STPG2: variants seen among roughly 807,000 people sequenced by gnomAD.
STPG2 encodes sperm-tail PG-rich repeat-containing protein 2.
Under a neutral mutation model 54.2 loss-of-function variants are expected in STPG2, and 56 were observed. The ratio of observed to expected loss-of-function variants is 1.03; its 90% CI spans 0.83 to 1.29. The LOEUF is 1.29. Ranked by LOEUF, STPG2 falls within the 50% of genes most tolerant of loss-of-function variation. STPG2 has a pLI of 0.00. For missense variants in STPG2, 596 were observed against 544.9 expected (o/e 1.09, Z -0.93); for synonymous variants, 200 against 181.8 (o/e 1.10, Z -0.81).
chr4:98,050,617 C>T (rs1421690379), intron 5 of STPG2, among the ~76,000 whole-genome samples: 1 of 152,106 alleles, frequency 6.6e-6, no homozygotes, highest in Non-Finnish European at 1.5e-5. Flanking sequence ...CCTACAAAAG[C>T]TCATCTCTAA....
At chr4:97,499,331 T>C (rs564509381) in intron 4 of STPG2, among the ~76,000 whole-genome samples, 2 of 152,086 alleles carry the variant, frequency 1.3e-5, no homozygotes, top group South Asian at 4.1e-4. Context: ...GCATCACCCG[T>C]CCACAATTTA....
intron 8 of STPG2, among the ~76,000 whole-genome samples, chr4:97,935,578 G>T (rs1291081915): frequency 6.6e-6 from 1 of 152,100 alleles, no homozygotes; most frequent in Admixed American, 6.6e-5. Context: ...CTTGTACATT[G>T]TCTCTTTGTT....
intron 6 of STPG2, among the ~76,000 whole-genome samples, chr4:97,978,184 A>G (rs1025769840): frequency 5.9e-5 from 9 of 152,186 alleles, no homozygotes; most frequent in Non-Finnish European, 1.2e-4. Flanking sequence ...ACCCAAAGGA[A>G]TATAAACTGT....
chr4:97,702,887 G>A (rs890989600), intron 10 of STPG2, among the ~76,000 whole-genome samples: 5 of 152,102 alleles, frequency 3.3e-5, no homozygotes, highest in Non-Finnish European at 7.4e-5. Context: ...AAGAGCTTGT[G>A]TCTATTTTTC....
intron 7 of STPG2, among the ~76,000 whole-genome samples, chr4:97,954,456 G>A (rs1195527348): frequency 6.6e-6 from 1 of 152,204 alleles, no homozygotes; most frequent in Non-Finnish European, 1.5e-5. Context: ...GAGCCTCAAA[G>A]CACATGGCCT....
intron 10 of STPG2, among the ~76,000 whole-genome samples, chr4:97,680,281 T>C (rs1035056241): frequency 6.6e-6 from 1 of 151,840 alleles, no homozygotes; most frequent in Non-Finnish European, 1.5e-5. Flanking sequence ...CTTCCATTTG[T>C]TTGTATCCTC....
At chr4:97,588,663 T>A (rs539980571) in intron 10 of STPG2, among the ~76,000 whole-genome samples, 2 of 152,192 alleles carry the variant, frequency 1.3e-5, no homozygotes, top group African/African-American at 4.8e-5. Flanking sequence ...AAAAATAATT[T>A]GGCAATATTT....
intron 4 of STPG2, chr4:97,490,142 T>G (rs915157905): frequency 6.6e-6 from 1 of 151,436 alleles, no homozygotes; most frequent in African/African-American, 2.4e-5. Context: ...TTTTAAAAAA[T>G]ACAATCCAAT....
chr4:97,675,530 A>G (rs1488695161), intron 10 of STPG2, among the ~76,000 whole-genome samples: 1 of 152,096 alleles, frequency 6.6e-6, no homozygotes, highest in African/African-American at 2.4e-5. Context: ...TTGAAGCAAC[A>G]TATTCCAAAT....
intron 5 of STPG2, among the ~76,000 whole-genome samples, chr4:98,042,460 C>T (rs543196233): frequency 6.6e-6 from 1 of 151,880 alleles, no homozygotes; most frequent in African/African-American, 2.4e-5. Context: ...GCATTTAACA[C>T]TATAAACTTC....
intron 6 of STPG2, among the ~76,000 whole-genome samples, chr4:97,976,543 C>A (rs551160923): frequency 6.6e-6 from 1 of 152,172 alleles, no homozygotes; most frequent in South Asian, 2.1e-4. Context: ...TGCCCAGGAA[C>A]CCCAGATCAG....
chr4:97,601,740 A>T (rs1164578480), intron 10 of STPG2, among the ~76,000 whole-genome samples: 1 of 151,936 alleles, frequency 6.6e-6, no homozygotes, highest in Non-Finnish European at 1.5e-5. Flanking sequence ...AAATCTTGTA[A>T]TGTGGTATGG....
chr4:97,448,266 T>C (rs550170766), intron 4 of STPG2, among the ~76,000 whole-genome samples: 1 of 152,320 alleles, frequency 6.6e-6, no homozygotes, highest in East Asian at 1.9e-4. Context: ...GACTATGGGC[T>C]TTTGAGCTAA....
chr4:97,736,573 A>G (rs1725002840), intron 9 of STPG2, among the ~76,000 whole-genome samples: 1 of 152,200 alleles, frequency 6.6e-6, no homozygotes, highest in African/African-American at 2.4e-5. Context: ...CACCTGGCTC[A>G]GAGGGTCCTA....
chr4:98,081,247 C>T (rs572009852), intron 5 of STPG2, among the ~76,000 whole-genome samples: 3 of 152,300 alleles, frequency 2.0e-5, no homozygotes, highest in Non-Finnish European at 4.4e-5. Context: ...ATTGATTTAT[C>T]TGTGAGGTCA....
At chr4:97,542,961 C>A (rs937548060) in intron 4 of STPG2, among the ~76,000 whole-genome samples, 4 of 152,036 alleles carry the variant, frequency 2.6e-5, no homozygotes, top group African/African-American at 9.6e-5. Flanking sequence ...ACATCACACA[C>A]CAGGGCCTGT....
At chr4:97,537,559 G>A (rs184179387) in intron 4 of STPG2, among the ~76,000 whole-genome samples, 2 of 152,144 alleles carry the variant, frequency 1.3e-5, no homozygotes, top group Non-Finnish European at 2.9e-5. Flanking sequence ...GTTCAAACTG[G>A]GTGGAGCCCA....
Position 98,134,562 on chromosome 4 carries a change from A to G in STPG2, c.110-103T>C, listed in dbSNP as rs1305883931. ...TAATCATGAGTATCCTCAATTGTTAAGACTTTATTTTCAGAACTGTCTAGT... is the reference window on the plus strand; with the variant it reads ...TAATCATGAGTATCCTCAATTGTTAGGACTTTATTTTCAGAACTGTCTAGT... On this transcript the variant is annotated intron_variant, in intron 1 of 10. Transcript: ENST00000295268. 1.2e-5 allele frequency: 6 copies of G among 486,628 alleles called. No homozygotes were observed. In the Admixed American group the frequency reaches 2.5e-4, roughly 21 times the overall value. 30.1% of individuals were successfully genotyped at this position (486,628 alleles called of 1,614,324 possible).
At chr4:98,104,643 G>T (rs994487358) in intron 5 of STPG2, among the ~76,000 whole-genome samples, 1 of 152,032 alleles carries the variant, frequency 6.6e-6, no homozygotes, top group African/African-American at 2.4e-5. Context: ...TATTTTATCA[G>T]ACTTGTTTTC....
Sources: allele counts gnomAD v4.1 joint callset (sites outside exome capture counted in the v4.1 genomes callset), GRCh38; gene constraint gnomAD v4.1.1; transcripts MANE v1.5; gene names NCBI Gene and HGNC (gene_info 2026-07-23, HGNC 2026-07-21).